NWD1: variants seen among roughly 807,000 people sequenced by gnomAD.
NWD1 encodes NACHT and WD repeat domain containing 1.
Under a neutral mutation model 135.1 loss-of-function variants are expected in NWD1, and 129 were observed. The observed-to-expected ratio is 0.96, with a 90% CI of 0.83 to 1.11. The LOEUF is 1.11. Among genes scored for constraint, NWD1 ranks in the 50% least tolerant of loss-of-function variants. The probability of loss-of-function intolerance (pLI) is 0.00; values close to 1 mark genes in which losing one functional copy is unlikely to be tolerated. For missense variants in NWD1, 1,740 were observed against 1,851.3 expected, an observed-to-expected ratio of 0.94 and a Z score of 1.10; for synonymous variants, 773 against 786.0, an observed-to-expected ratio of 0.98 and a Z score of 0.28.
intron 3 of NWD1, among the ~76,000 whole-genome samples, chr19:16,735,610 C>T (rs1288890151): frequency 6.6e-6 from 1 of 151,314 alleles, no homozygotes; most frequent in Non-Finnish European, 1.5e-5. Context: ...GGGTGGATCA[C>T]CTGAGGTCAA....
Position 16,791,369 on chromosome 19 carries a change from A to G in NWD1, c.2960A>G (p.Glu987Gly). The G allele has an allele frequency of 6.2e-7, 1 of 1,613,822 alleles. No homozygotes were observed. Among genetic ancestry groups the G allele is most frequent in the Non-Finnish European group, 8.5e-7 (1 of 1,179,870 alleles). The change falls in exon 14 of 19, where the codon GAA becomes GGA. Residue 987 changes from glutamate (E) to glycine (G), a missense_variant. By Grantham distance (98) the Glu-to-Gly change is moderately conservative (BLOSUM62 -2). Coordinates refer to ENST00000524140, the MANE Select transcript of NWD1 (RefSeq NM_001007525.5). Reference protein sequence around the residue: ...SGSKINAWNLETAEPVFHILG... With the variant: ...SGSKINAWNLGTAEPVFHILG... The stretch of plus-strand genomic sequence containing the variant: ...TATTAGATCAATGCTTGGAATCTGG[A>G]AACTGCAGAGCCGGTATTCCATATC...
chr19:16,791,234 CA>C (rs1970234099), intron 13 of NWD1, 115 bp from the exon 14 acceptor site: 2 of 953,270 alleles, frequency 2.1e-6, no homozygotes, highest in East Asian at 4.8e-5. Context: ...GCTCTGTCTC[CA>C]AAAGAAAAGA....
intron 11 of NWD1, among the ~76,000 whole-genome samples, chr19:16,778,438 T>G (rs1969731620): frequency 1.3e-5 from 2 of 152,036 alleles, no homozygotes. Flanking sequence ...ATAATCCTCA[T>G]TCTCAGCCAA....
chr19:16,754,707 C>T (rs1339300619), intron 6 of NWD1, among the ~76,000 whole-genome samples: 1 of 151,490 alleles, frequency 6.6e-6, no homozygotes, highest in East Asian at 1.9e-4. Flanking sequence ...TCTCTAGCAT[C>T]CATCCATCCA....
chr19:16,795,616 C>A (rs1445441620), intron 15 of NWD1, among the ~76,000 whole-genome samples: 1 of 152,018 alleles, frequency 6.6e-6, no homozygotes, highest in Admixed American at 6.6e-5. Context: ...GGGGTTTCAT[C>A]ATGTTGGCCA....
chr19:16,762,057 C>T lies in NWD1; in HGVS notation c.2052C>T (p.Phe684=). Residue 684 remains phenylalanine, a synonymous_variant, in exon 8 of 19, where the codon TTC becomes TTT. Transcript: ENST00000524140. Reference sequence around the variant, plus strand: ...AGAGGCATGGCGTCCTGGCCGACTTCTTCTCAGGGACCTGGAGCCAGGGTA... The same window carrying T: ...AGAGGCATGGCGTCCTGGCCGACTTTTTCTCAGGGACCTGGAGCCAGGGTA... ...RAKRHGVLAD[F]FSGTWSQGTK... 6.2e-7 allele frequency: 1 copy of T among 1,614,118 alleles called. No individual in the cohort carries two copies. Among genetic ancestry groups the T allele is most frequent in the Non-Finnish European group, 8.5e-7 (1 of 1,179,984 alleles).
At chr19:16,803,283 C>T (rs1970656831) in intron 17 of NWD1, among the ~76,000 whole-genome samples, 1 of 152,066 alleles carries the variant, frequency 6.6e-6, no homozygotes, top group Non-Finnish European at 1.5e-5. Flanking sequence ...CACAGCCAAA[C>T]CATCTCAGTT....
At chr19:16,733,089 C>T (rs1022750190) in intron 3 of NWD1, among the ~76,000 whole-genome samples, 22 of 151,914 alleles carry the variant, frequency 1.4e-4, no homozygotes, top group Non-Finnish European at 2.2e-4. Flanking sequence ...GGTGTGGTGA[C>T]GCCCACCTGT....
chr19:16,780,906 G>A (rs1050380159), intron 12 of NWD1, among the ~76,000 whole-genome samples: 2 of 152,026 alleles, frequency 1.3e-5, no homozygotes, highest in Admixed American at 6.6e-5. Context: ...CAATCCTCTC[G>A]CCTTGTCCTT....
At chr19:16,759,495 C>T (rs1203253152) in intron 7 of NWD1, 67 bp downstream of exon 7, 4 of 1,194,036 alleles carry the variant, frequency 3.3e-6, no homozygotes, top group Admixed American at 2.0e-5. Context: ...ACTCACTGGC[C>T]GGGGGTCTTC....
intron 12 of NWD1, among the ~76,000 whole-genome samples, chr19:16,788,166 G>C (rs2123037667): frequency 6.9e-6 from 1 of 144,416 alleles, no homozygotes; most frequent in Non-Finnish European, 1.5e-5. Context: ...GGAAGTGAAG[G>C]TTGCAATAAG....
At chr19:16,750,550 G>C in intron 6 of NWD1, 139 bp downstream of exon 6, 2 of 612,320 alleles carry the variant, frequency 3.3e-6, no homozygotes, top group Non-Finnish European at 5.3e-6. Context: ...CAACTCCCAG[G>C]CTCAAGTGAT....
intron 12 of NWD1, among the ~76,000 whole-genome samples, chr19:16,782,284 TAAAA>T (rs35838598): frequency 6.6e-5 from 5 of 76,286 alleles, no homozygotes; most frequent in African/African-American, 2.3e-4. Context: ...ACGTCACCTC[TAAAA>T]AAAAAAAAAA....
At chr19:16,792,684 GAAC>G (rs1423890383) in intron 14 of NWD1, among the ~76,000 whole-genome samples, 1 of 143,726 alleles carries the variant, frequency 7.0e-6, no homozygotes, top group African/African-American at 2.6e-5. Flanking sequence ...CTCCATCTCA[GAAC>G]AAAACAAAAA....
rs371348268 is a variant in NWD1, at chr19:16,763,948, A to G, written c.2251+3A>G. 54 of 1,577,232 alleles carry G rather than the reference A, an allele frequency of 3.4e-5. No homozygotes were observed. The highest frequency in any genetic ancestry group is 4.7e-5 in the Non-Finnish European group (54 of 1,146,658). ...GGAGCTGAAACAGGAGGTTCTGGGT[A>G]AGGGCTGCCCCCCATCTCAGAGGAC... is the stretch of plus-strand genomic sequence containing the variant. On this transcript the variant is annotated splice_donor_region_variant and intron_variant, in intron 9 of 18. Transcript: ENST00000524140.
rs569617029 is a variant in NWD1 at position 16,763,965 on chromosome 19, T to G, written c.2251+20T>G. 1.1e-5 allele frequency: 16 copies of G among 1,457,712 alleles called. No individual in the cohort carries two copies. The African/African-American group carries it at 2.2e-4, about 20-fold the overall frequency. The allele number at this position is 1,457,712 out of a possible 1,614,324, so 90.3% of individuals were successfully genotyped here. On this transcript the variant is annotated intron_variant, in intron 9 of 18. Transcript: ENST00000524140. ...TTCTGGGTAAGGGCTGCCCCCCATCTCAGAGGACCGAGCCTGGTGACTGCA... is the reference window on the plus strand; with the variant it reads ...TTCTGGGTAAGGGCTGCCCCCCATCGCAGAGGACCGAGCCTGGTGACTGCA...
In NWD1 at chr19:16,815,447, G is replaced by A. The variant is rs1971043243; in HGVS notation, c.*408G>A. Reference sequence around the variant, plus strand: ...GTGTATATCTGGACCCATGGCTTCAGATTATGGCTTCAGACCTTGTCTCTT... The same window carrying A: ...GTGTATATCTGGACCCATGGCTTCAAATTATGGCTTCAGACCTTGTCTCTT... On this transcript the variant is annotated 3_prime_UTR_variant, in exon 19 of 19. Transcript: ENST00000524140. The A allele has an allele frequency of 1.7e-6, 1 of 601,890 alleles. No individual in the cohort carries two copies. The highest frequency in any genetic ancestry group is 3.0e-5 in the Admixed American group (1 of 33,418). The allele number at this position is 601,890 out of a possible 1,614,324, so 37.3% of individuals were successfully genotyped here.
At position 16,815,533 on chromosome 19, in the gene NWD1, G is replaced by T. The variant is rs973156647; in HGVS notation, c.*494G>T. On this transcript the variant is annotated 3_prime_UTR_variant, in exon 19 of 19. Transcript: ENST00000524140. Reference sequence around the variant, plus strand: ...TCATTCTCAGACTTGCCACCCCCAGGTTAGCAACATGGTGGCCAATATGCT... The same window carrying T: ...TCATTCTCAGACTTGCCACCCCCAGTTTAGCAACATGGTGGCCAATATGCT... 8 of 535,956 alleles carry T rather than the reference G, an allele frequency of 1.5e-5. No homozygotes were observed. The highest frequency in any genetic ancestry group is 2.3e-5 in the Non-Finnish European group (7 of 303,536). 33.2% of individuals were successfully genotyped at this position (535,956 alleles called of 1,614,324 possible). A position where few individuals can be genotyped will look rare whatever the true frequency, so the allele number is the denominator to read the frequency against.
At chr19:16,765,922 CAGG>C (rs1328300523) in intron 10 of NWD1, among the ~76,000 whole-genome samples, 1 of 148,718 alleles carries the variant, frequency 6.7e-6, no homozygotes, top group Non-Finnish European at 1.5e-5. Flanking sequence ...GAGGCTGAGG[CAGG>C]AGAATTGCTG....
Sources: gnomAD v4.1 joint callset for allele counts (sites outside exome capture counted in the v4.1 genomes callset) on GRCh38, gnomAD v4.1.1 for gene constraint, MANE v1.5 for transcripts, NCBI Gene and HGNC (gene_info 2026-07-23, HGNC 2026-07-21) for gene names.